Variants in DCDC2C observed in about 807,000 individuals in gnomAD.
The protein encoded by DCDC2C is doublecortin domain containing 2C, also known as doublecortin domain-containing protein 2C.
Under a neutral mutation model 45.0 loss-of-function variants are expected in DCDC2C, and 44 were observed. That is an observed-to-expected ratio of 0.98 (90% CI 0.77 to 1.26). DCDC2C has a LOEUF of 1.26. DCDC2C is among the 50% of genes most tolerant of loss of function. The pLI is 0.00. For missense variants in DCDC2C, 447 were observed against 468.9 expected, an observed-to-expected ratio of 0.95 and a Z score of 0.43; for synonymous variants, 187 against 178.8, an observed-to-expected ratio of 1.05 and a Z score of -0.37.
intron 10 of DCDC2C, among the ~76,000 whole-genome samples, chr2:3,785,636 C>T (rs576791767): frequency 1.3e-5 from 2 of 152,258 alleles, no homozygotes; most frequent in East Asian, 3.9e-4. Context: ...CCCCTAGAAG[C>T]GCTGCTCTCC....
At chr2:3,777,128 A>G (rs1188887638) in intron 8 of DCDC2C, among the ~76,000 whole-genome samples, 1 of 152,202 alleles carries the variant, frequency 6.6e-6, no homozygotes, top group African/African-American at 2.4e-5. Context: ...TCTTCCTGCA[A>G]CAGGGCTGTG....
chr2:3,792,497 T>C (rs1036536889), intron 10 of DCDC2C, among the ~76,000 whole-genome samples: 2 of 152,228 alleles, frequency 1.3e-5, no homozygotes, highest in African/African-American at 4.8e-5. Context: ...AGATCCTCTC[T>C]GTAACTTTTA....
Position 3,734,988 on chromosome 2 carries a change from C to G in DCDC2C, c.417-6932C>G, listed in dbSNP as rs898807603. 6.6e-6 allele frequency among the ~76,000 whole-genome samples: 1 copy of G among 152,120 alleles called. No homozygotes were observed. The highest frequency in any genetic ancestry group is 1.5e-5 in the Non-Finnish European group (1 of 68,020). On this transcript the variant is annotated intron_variant, in intron 3 of 10. Coordinates refer to ENST00000399143, the MANE Select transcript of DCDC2C (RefSeq NM_001287444.2). The surrounding 1 kb of genome is among the most constrained non-coding windows in gnomAD (Gnocchi z 4.2). ...GAGAAATTAGGCATCCACATCCTACCGCATCCCACAAGACCCCCACTTTCT... is the reference window on the plus strand; with the variant it reads ...GAGAAATTAGGCATCCACATCCTACGGCATCCCACAAGACCCCCACTTTCT...
chr2:3,786,011 C>T (rs181468919), intron 10 of DCDC2C, among the ~76,000 whole-genome samples: 15 of 152,346 alleles, frequency 9.8e-5, no homozygotes, highest in African/African-American at 3.4e-4. Flanking sequence ...AAATCAACCT[C>T]CAGGAGAGAA....
intron 7 of DCDC2C, among the ~76,000 whole-genome samples, 174 bp downstream of exon 7, chr2:3,768,054 G>GA (rs529382415): frequency 1.5e-3 from 221 of 151,252 alleles, no homozygotes; most frequent in Middle Eastern, 3.4e-3. Context: ...TGGCAGAGCA[G>GA]AAAAAAAACA....
At chr2:3,827,411 C>T (rs1671853786) in intron 10 of DCDC2C, among the ~76,000 whole-genome samples, 1 of 152,184 alleles carries the variant, frequency 6.6e-6, no homozygotes, top group Non-Finnish European at 1.5e-5. Flanking sequence ...AGGTCCCAAG[C>T]TGGAGTGAGA....
rs561458447 is a variant in DCDC2C, at chr2:3,816,024, A to G, written c.1065+30924A>G. On this transcript the variant is annotated intron_variant, in intron 10 of 10. Coordinates refer to ENST00000399143, the MANE Select transcript of DCDC2C (RefSeq NM_001287444.2). ...TTTTTTTTGGGTGGTATGGAGAGAT[A>G]ACGGGTGATGCTTCTCAGGGCTGCT... Among the ~76,000 whole-genome samples the G allele has an allele frequency of 1.6e-3, 251 of 152,142 alleles. 2 individuals are homozygous for G. The highest frequency in any genetic ancestry group is 5.8e-3 in the African/African-American group (242 of 41,538).
chr2:3,756,397 G>A (rs1669717826), intron 6 of DCDC2C, among the ~76,000 whole-genome samples: 1 of 152,194 alleles, frequency 6.6e-6, no homozygotes, highest in Non-Finnish European at 1.5e-5. Context: ...TTGAGGGTCG[G>A]CATTGTCCTG....
intron 10 of DCDC2C, among the ~76,000 whole-genome samples, chr2:3,791,314 C>T (rs984422158): frequency 6.6e-6 from 1 of 152,142 alleles, no homozygotes; most frequent in Admixed American, 6.5e-5. Flanking sequence ...ATCGCCTTTT[C>T]GTGTGGTGGG....
intron 4 of DCDC2C, chr2:3,752,527 T>C (rs947875007): frequency 4.2e-5 from 25 of 595,654 alleles, no homozygotes; most frequent in Non-Finnish European, 7.2e-5. Flanking sequence ...TGAGCACTTG[T>C]ATATAATTAA....
At chr2:3,784,820 G>C (rs943089750) in intron 9 of DCDC2C, among the ~76,000 whole-genome samples, 27 of 152,294 alleles carry the variant, frequency 1.8e-4, no homozygotes, top group African/African-American at 6.5e-4. Flanking sequence ...TGATCAAAAA[G>C]ATGTACATAA....
At chr2:3,792,506 T>G (rs959793359) in intron 10 of DCDC2C, among the ~76,000 whole-genome samples, 4 of 152,212 alleles carry the variant, frequency 2.6e-5, no homozygotes, top group Non-Finnish European at 2.9e-5. Context: ...CTGTAACTTT[T>G]AAGATATATG....
chr2:3,813,695 A>T (rs1671477078), intron 10 of DCDC2C, among the ~76,000 whole-genome samples: 1 of 145,446 alleles, frequency 6.9e-6, no homozygotes. Context: ...TTGCTGGTTA[A>T]AGTCTGTTTT....
chr2:3,778,724 T>C, intron 8 of DCDC2C, 92 bp from the exon 9 acceptor site: 1 of 1,179,430 alleles, frequency 8.5e-7, no homozygotes, highest in Non-Finnish European at 1.2e-6. Context: ...ATAGAAGTGG[T>C]CTAGAAGGTC....
chr2:3,804,347 T>C (rs1671183002), intron 10 of DCDC2C, among the ~76,000 whole-genome samples: 1 of 152,242 alleles, frequency 6.6e-6, no homozygotes, highest in Non-Finnish European at 1.5e-5. Flanking sequence ...CCTAATGTAT[T>C]GAAGAACTAT....
At chr2:3,727,133 A>T in intron 3 of DCDC2C, 54 bp downstream of exon 3, 1 of 1,417,818 alleles carries the variant, frequency 7.1e-7, no homozygotes, top group South Asian at 1.2e-5. Context: ...CTCCCTAAAA[A>T]CAATACTTTC....
intron 4 of DCDC2C, among the ~76,000 whole-genome samples, chr2:3,744,830 T>C (rs73144843): frequency 0.018 from 2,783 of 152,212 alleles, 82 homozygotes; most frequent in African/African-American, 0.064. Context: ...AAGTTAGATG[T>C]TTGTGCACAA....
intron 1 of DCDC2C, among the ~76,000 whole-genome samples, chr2:3,706,339 C>G (rs1248840534): frequency 6.6e-6 from 1 of 152,160 alleles, no homozygotes; most frequent in Non-Finnish European, 1.5e-5. Flanking sequence ...AGCCATTACT[C>G]AGACATTTCC....
Position 3,819,337 on chromosome 2 carries a change from C to T in DCDC2C, c.1066-27817C>T, listed in dbSNP as rs1572640313. 2.0e-5 allele frequency among the ~76,000 whole-genome samples: 3 copies of T among 152,342 alleles called. No individual in the cohort carries two copies. The South Asian group carries it at 6.2e-4, about 32-fold the overall frequency. On this transcript the variant is annotated intron_variant, in intron 10 of 10. Coordinates refer to ENST00000399143, the MANE Select transcript of DCDC2C (RefSeq NM_001287444.2). ...CCCGGGCTGTGGGCATTCCTTGGCC[C>T]AGTGGCCAGATATCCGGCACTTGAA...
Sources: allele counts gnomAD v4.1 joint callset (sites outside exome capture counted in the v4.1 genomes callset), GRCh38; gene constraint gnomAD v4.1.1; non-coding constraint Gnocchi (gnomAD v3.1); transcripts MANE v1.5; gene names NCBI Gene and HGNC (gene_info 2026-07-23, HGNC 2026-07-21).